The following ARB2A variants were observed in gnomAD, a reference collection of about 807,000 sequenced individuals.
ARB2A encodes cotranscriptional regulator ARB2A.
chr5:93,808,958 A>G, the ARB2A span, among the ~76,000 whole-genome samples: 1 of 152,218 alleles, frequency 6.6e-6, no homozygotes, highest in South Asian at 2.1e-4. Context: ...AGAAAACTGT[A>G]AATATCTATT....
the ARB2A span, among the ~76,000 whole-genome samples, chr5:94,036,219 G>A: frequency 6.6e-6 from 1 of 151,736 alleles, no homozygotes; most frequent in Non-Finnish European, 1.5e-5. Flanking sequence ...TCAGTTTTAG[G>A]GTATTCTTTA....
the ARB2A span, among the ~76,000 whole-genome samples, chr5:93,682,599 C>T: frequency 6.6e-6 from 1 of 151,074 alleles, no homozygotes; most frequent in Admixed American, 6.6e-5. Flanking sequence ...ACCGCTAGTA[C>T]TATGTCCTAT....
the ARB2A span, among the ~76,000 whole-genome samples, chr5:93,943,288 A>G: frequency 1.3e-5 from 2 of 152,118 alleles, no homozygotes; most frequent in Admixed American, 6.5e-5. Flanking sequence ...TGCCAATCTG[A>G]TATGTTGAAA....
chr5:93,712,882 A>G, the ARB2A span, among the ~76,000 whole-genome samples: 1 of 152,174 alleles, frequency 6.6e-6, no homozygotes, highest in Non-Finnish European at 1.5e-5. Context: ...AACAGAATAG[A>G]GAACCCAGAA....
At chr5:94,066,339 T>C in the ARB2A span, among the ~76,000 whole-genome samples, 1 of 126,580 alleles carries the variant, frequency 7.9e-6, no homozygotes, top group African/African-American at 2.7e-5. Context: ...AGCAGAATTA[T>C]ATGAAATACA....
At chr5:93,730,334 A>G in the ARB2A span, among the ~76,000 whole-genome samples, 1 of 152,234 alleles carries the variant, frequency 6.6e-6, no homozygotes, top group East Asian at 1.9e-4. Context: ...GGAGTAAAGA[A>G]TAACACACTA....
the ARB2A span, among the ~76,000 whole-genome samples, chr5:93,780,591 G>A: frequency 4.1e-5 from 6 of 146,114 alleles, no homozygotes; most frequent in Non-Finnish European, 9.0e-5. Flanking sequence ...TGGAGCTTCT[G>A]CTCTGTTGGC....
chr5:93,970,710 A>G, the ARB2A span, among the ~76,000 whole-genome samples: 1 of 152,190 alleles, frequency 6.6e-6, no homozygotes, highest in East Asian at 1.9e-4. Flanking sequence ...TATAATGAAT[A>G]CACTTAAGTG....
the ARB2A span, among the ~76,000 whole-genome samples, chr5:93,933,493 TC>T: frequency 6.6e-6 from 1 of 152,166 alleles, no homozygotes; most frequent in Non-Finnish European, 1.5e-5. Flanking sequence ...TGAGTTCATG[TC>T]CTTTGCAGGG....
the ARB2A span, among the ~76,000 whole-genome samples, chr5:93,777,039 C>T: frequency 6.6e-6 from 1 of 151,438 alleles, no homozygotes; most frequent in Non-Finnish European, 1.5e-5. Flanking sequence ...CAAAATCTGA[C>T]CCATATAAAA....
At chr5:94,108,881 T>C in the ARB2A span, among the ~76,000 whole-genome samples, 9 of 152,032 alleles carry the variant, frequency 5.9e-5, no homozygotes, top group Non-Finnish European at 1.5e-5. Context: ...TAGATATATA[T>C]ACATATAAAA....
chr5:93,770,183 T>G, the ARB2A span, among the ~76,000 whole-genome samples: 1 of 152,088 alleles, frequency 6.6e-6, no homozygotes, highest in Non-Finnish European at 1.5e-5. Flanking sequence ...TTAAGGTTGT[T>G]TTTACTCAGG....
chr5:93,879,550 T>C, the ARB2A span, among the ~76,000 whole-genome samples: 2 of 151,608 alleles, frequency 1.3e-5, no homozygotes, highest in African/African-American at 4.8e-5. Context: ...AGAGAGCAGG[T>C]CTTAACAATG....
chr5:93,726,929 T>C, the ARB2A span, among the ~76,000 whole-genome samples: 1 of 152,044 alleles, frequency 6.6e-6, no homozygotes, highest in Non-Finnish European at 1.5e-5. Flanking sequence ...AGATTATCCA[T>C]GTAAATGCTG....
At chr5:94,035,208 T>A in the ARB2A span, among the ~76,000 whole-genome samples, 1 of 147,600 alleles carries the variant, frequency 6.8e-6, no homozygotes, top group African/African-American at 2.5e-5. Context: ...TACATATACA[T>A]ATACATATAC....
chr5:93,850,489 T>A, the ARB2A span, among the ~76,000 whole-genome samples: 2 of 152,136 alleles, frequency 1.3e-5, no homozygotes, highest in African/African-American at 4.8e-5. Flanking sequence ...CAGGATGCTG[T>A]GAACAGCAGG....
At chr5:94,006,694 T>C in the ARB2A span, among the ~76,000 whole-genome samples, 5 of 152,206 alleles carry the variant, frequency 3.3e-5, no homozygotes, top group Admixed American at 2.6e-4. Context: ...TAAGTCATGG[T>C]ACTAATATTC....
the ARB2A span, among the ~76,000 whole-genome samples, chr5:93,712,999 C>T: frequency 1.5e-3 from 233 of 152,164 alleles, 1 homozygote; most frequent in African/African-American, 5.5e-3. Flanking sequence ...AACTGGAAAT[C>T]CATATGCAGA....
At chr5:93,829,900 C>T in the ARB2A span, among the ~76,000 whole-genome samples, 3 of 152,156 alleles carry the variant, frequency 2.0e-5, no homozygotes, top group Non-Finnish European at 4.4e-5. Context: ...TTAGTGGCTG[C>T]CAGCATTCCA....
Sources: gnomAD v4.1 joint callset for allele counts (sites outside exome capture counted in the v4.1 genomes callset) on GRCh38, gnomAD v4.1.1 for gene constraint, MANE v1.5 for transcripts, NCBI Gene and HGNC (gene_info 2026-07-23, HGNC 2026-07-21) for gene names.